AVEN: variants seen among roughly 807,000 people sequenced by gnomAD.
The protein encoded by AVEN is cell death regulator Aven.
A neutral mutation model predicts 38.1 loss-of-function variants in AVEN; 41 were observed. That is an observed-to-expected ratio of 1.08 (90% CI 0.84 to 1.40). The LOEUF is 1.40. AVEN is among the 40% of genes most tolerant of loss of function. AVEN has a pLI of 0.00. For missense variants in AVEN, 605 were observed against 438.8 expected, an observed-to-expected ratio of 1.38 and a Z score of -3.38; for synonymous variants, 206 against 171.8, an observed-to-expected ratio of 1.20 and a Z score of -1.56.
chr15:33,987,023 C>T (rs753997892), intron 2 of AVEN, among the ~76,000 whole-genome samples: 1 of 152,214 alleles, frequency 6.6e-6, no homozygotes, highest in Non-Finnish European at 1.5e-5. Flanking sequence ...GGAATTCTCA[C>T]CACAGGTTAT....
At chr15:34,031,689 CG>C (rs1898839190) in intron 1 of AVEN, among the ~76,000 whole-genome samples, 3 of 151,964 alleles carry the variant, frequency 2.0e-5, no homozygotes, top group Admixed American at 6.6e-5. Flanking sequence ...GTGATATGGG[CG>C]GTAGGAAACA....
At chr15:33,854,923 T>C, downstream of AVEN, 1 of 1,605,996 alleles carries the variant, frequency 6.2e-7, no homozygotes, top group Non-Finnish European at 8.5e-7. Context: ...GTATGGTTTC[T>C]ACTGATGCAG....
At chr15:34,054,960 A>G (rs1291676694) in intron 5 of AVEN, among the ~76,000 whole-genome samples, 1 of 152,228 alleles carries the variant, frequency 6.6e-6, no homozygotes, top group East Asian at 1.9e-4. Flanking sequence ...TGGGAGGCCA[A>G]GGCAGGCAGA....
intron 1 of AVEN, among the ~76,000 whole-genome samples, chr15:34,028,988 A>G (rs1898631893): frequency 6.6e-6 from 1 of 152,202 alleles, no homozygotes; most frequent in Non-Finnish European, 1.5e-5. Context: ...ATTTGTCTAT[A>G]AATTTATTTA....
At chr15:34,013,168 T>A (rs1323933570) in intron 1 of AVEN, among the ~76,000 whole-genome samples, 2 of 152,024 alleles carry the variant, frequency 1.3e-5, no homozygotes, top group African/African-American at 2.4e-5. Context: ...TTCAAGCGAT[T>A]CTCATGTCTC....
upstream of AVEN, among the ~76,000 whole-genome samples, chr15:34,043,449 T>C (rs537817944): frequency 6.6e-6 from 1 of 152,296 alleles, no homozygotes; most frequent in Admixed American, 6.5e-5. Flanking sequence ...ATATAAACAA[T>C]GCAAACTGGA....
At chr15:33,928,090 G>A (rs1302218370) in intron 2 of AVEN, among the ~76,000 whole-genome samples, 2 of 152,278 alleles carry the variant, frequency 1.3e-5, no homozygotes, top group East Asian at 3.9e-4. Flanking sequence ...ACCACCACGT[G>A]GGTAAAACTG....
intron 2 of AVEN, among the ~76,000 whole-genome samples, chr15:33,884,815 T>C (rs1490694713): frequency 6.6e-6 from 1 of 152,198 alleles, no homozygotes; most frequent in Admixed American, 6.5e-5. Context: ...AGATCAGGCA[T>C]ATGTGAAGAG....
intron 1 of AVEN, among the ~76,000 whole-genome samples, chr15:34,029,243 A>G (rs895042512): frequency 6.6e-6 from 1 of 152,208 alleles, no homozygotes; most frequent in African/African-American, 2.4e-5. Context: ...GTTTACTTCC[A>G]TATTGTAAAA....
chr15:34,018,685 G>C (rs1359801051), intron 1 of AVEN, among the ~76,000 whole-genome samples: 4 of 152,208 alleles, frequency 2.6e-5, no homozygotes, highest in African/African-American at 9.6e-5. Flanking sequence ...CCAGTGGGTT[G>C]CTGCTGCTGG....
rs57211791 is a variant in AVEN at position 34,008,954 on chromosome 15, G to GCACACA, written c.268-5751_268-5746dup. On this transcript the variant is annotated intron_variant, in intron 1 of 5. Transcript: ENST00000306730. ...AACACACACTCACACGTGCGCGCGC[G>GCACACA]CACACACACACACACACACACAGAC... Among the ~76,000 whole-genome samples, 299 of 103,196 alleles carry GCACACA rather than the reference G, an allele frequency of 2.9e-3. 1 individual carries two copies. Among genetic ancestry groups the GCACACA allele is most frequent in the African/African-American group, 7.4e-3 (282 of 38,356 alleles). 67.7% of individuals were successfully genotyped at this position (103,196 alleles called of 152,430 possible).
intron 2 of AVEN, among the ~76,000 whole-genome samples, chr15:33,897,130 T>C (rs1422931405): frequency 6.6e-6 from 1 of 152,038 alleles, no homozygotes; most frequent in Non-Finnish European, 1.5e-5. Context: ...CACAAATCTA[T>C]AGTTGCCAGG....
At chr15:33,993,718 C>T (rs1432718961) in intron 2 of AVEN, among the ~76,000 whole-genome samples, 3 of 152,144 alleles carry the variant, frequency 2.0e-5, no homozygotes, top group Non-Finnish European at 2.9e-5. Flanking sequence ...CACCTGCTAC[C>T]GGGCCCTCCT....
chr15:34,040,409 G>GT (rs1280717251), upstream of AVEN, among the ~76,000 whole-genome samples: 1 of 152,184 alleles, frequency 6.6e-6, no homozygotes, highest in African/African-American at 2.4e-5. Flanking sequence ...GTAAATGGGA[G>GT]TAGGGGCGCC....
intron 2 of AVEN, chr15:33,883,699 T>G (rs377026586): frequency 2.6e-4 from 39 of 152,340 alleles, no homozygotes; most frequent in African/African-American, 8.7e-4. Flanking sequence ...GAAGGAAACT[T>G]TTCCTTTTGA....
intron 2 of AVEN, among the ~76,000 whole-genome samples, chr15:34,000,550 C>A (rs1224493654): frequency 6.6e-6 from 1 of 152,184 alleles, no homozygotes; most frequent in African/African-American, 2.4e-5. Context: ...TATTTTTTCT[C>A]AGTTGTCTAT....
chr15:33,970,282 G>A (rs982560012), intron 2 of AVEN, among the ~76,000 whole-genome samples: 1 of 151,644 alleles, frequency 6.6e-6, no homozygotes. Flanking sequence ...ATCCCTTCAG[G>A]CTTTTCAAGA....
At chr15:34,025,718 A>G (rs1428696267) in intron 1 of AVEN, among the ~76,000 whole-genome samples, 1 of 152,186 alleles carries the variant, frequency 6.6e-6, no homozygotes, top group African/African-American at 2.4e-5. Flanking sequence ...AGAAGAAAAA[A>G]AAATTGTGTG....
At chr15:33,853,672 C>G in the AVEN span, 2 of 1,613,678 alleles carry the variant, frequency 1.2e-6, no homozygotes, top group Non-Finnish European at 8.5e-7. Context: ...AGCGGCTTCT[C>G]TGGTGTCATG....
Sources: allele counts gnomAD v4.1 joint callset (sites outside exome capture counted in the v4.1 genomes callset), GRCh38; gene constraint gnomAD v4.1.1; transcripts MANE v1.5; gene names NCBI Gene and HGNC (gene_info 2026-07-23, HGNC 2026-07-21).